PBX3: variants seen among roughly 807,000 people sequenced by gnomAD.
PBX3 encodes the protein PBX homeobox 3.
A neutral mutation model predicts 48.5 loss-of-function variants in PBX3; 14 were observed. That is an observed-to-expected ratio of 0.29 (90% CI 0.19 to 0.45). The LOEUF (loss-of-function observed/expected upper bound fraction) is 0.45. PBX3 is among the 20% of genes least tolerant of loss of function. The probability of loss-of-function intolerance (pLI) is 1.00; values close to 1 mark genes in which losing one functional copy is unlikely to be tolerated. For synonymous variants in PBX3, 210 were observed against 200.3 expected, an observed-to-expected ratio of 1.05 and a Z score of -0.41; for missense variants, 386 against 546.7, an observed-to-expected ratio of 0.71 and a Z score of 2.93.
chr9:125,859,004 G>A (rs116731437), intron 2 of PBX3, among the ~76,000 whole-genome samples: 21 of 152,300 alleles, frequency 1.4e-4, no homozygotes, highest in African/African-American at 5.1e-4. Flanking sequence ...TAAGTTAAAT[G>A]AGGTTGCGTG....
At chr9:125,889,776 G>A (rs971659220) in intron 2 of PBX3, among the ~76,000 whole-genome samples, 4 of 149,910 alleles carry the variant, frequency 2.7e-5, no homozygotes, top group African/African-American at 9.7e-5. Context: ...GGGCCGGGCC[G>A]CGGGGCCTCC....
chr9:125,814,164 A>G, intron 2 of PBX3, among the ~76,000 whole-genome samples: 1 of 113,688 alleles, frequency 8.8e-6, no homozygotes, highest in Non-Finnish European at 1.6e-5. Context: ...CTCCATCTCA[A>G]AAAAAAAAAA....
intron 2 of PBX3, among the ~76,000 whole-genome samples, chr9:125,749,932 A>G (rs1836324593): frequency 6.6e-6 from 1 of 152,184 alleles, no homozygotes; most frequent in Non-Finnish European, 1.5e-5. Flanking sequence ...TTCACATATT[A>G]TGGCTGGTTT....
chr9:125,844,287 C>T (rs1407960836), intron 2 of PBX3, among the ~76,000 whole-genome samples: 1 of 146,170 alleles, frequency 6.8e-6, no homozygotes, highest in Admixed American at 6.8e-5. Flanking sequence ...AACAGAATGC[C>T]ACCTTTTTTT....
chr9:125,805,192 A>G (rs951571008), intron 2 of PBX3, among the ~76,000 whole-genome samples: 3 of 151,158 alleles, frequency 2.0e-5, no homozygotes, highest in Non-Finnish European at 2.9e-5. Context: ...CTGGGAGAAG[A>G]GCATTCCAGG....
intron 2 of PBX3, among the ~76,000 whole-genome samples, chr9:125,835,734 G>C (rs1839114221): frequency 6.6e-6 from 1 of 152,174 alleles, no homozygotes; most frequent in South Asian, 2.1e-4. Flanking sequence ...AGGATGTAGA[G>C]ACAGGGGAAC....
chr9:125,748,014 C>T (rs999060916), intron 1 of PBX3, among the ~76,000 whole-genome samples: 1 of 151,544 alleles, frequency 6.6e-6, no homozygotes. Flanking sequence ...GCGGGGAGTC[C>T]CGGCGCCGGC....
chr9:125,965,331 C>T (rs571586933), intron 8 of PBX3, among the ~76,000 whole-genome samples: 1 of 152,206 alleles, frequency 6.6e-6, no homozygotes, highest in African/African-American at 2.4e-5. Context: ...TCTGGAAGAT[C>T]CTATTTGGAG....
At chr9:125,787,308 A>G (rs1017345353) in intron 2 of PBX3, among the ~76,000 whole-genome samples, 3 of 152,212 alleles carry the variant, frequency 2.0e-5, no homozygotes, top group Admixed American at 1.3e-4. Flanking sequence ...AGTGTACTGC[A>G]TGGATTAACT....
chr9:125,827,110 A>G (rs1421752548), intron 2 of PBX3, among the ~76,000 whole-genome samples: 1 of 152,174 alleles, frequency 6.6e-6, no homozygotes, highest in African/African-American at 2.4e-5. Context: ...TGGCTCCCAC[A>G]TATAAATGAG....
chr9:125,953,878 T>TG (rs10707176), intron 5 of PBX3, among the ~76,000 whole-genome samples: 1 of 151,962 alleles, frequency 6.6e-6, no homozygotes, highest in Non-Finnish European at 1.5e-5. Flanking sequence ...TCTGCAAACT[T>TG]GGGGGGACGC....
intron 2 of PBX3, among the ~76,000 whole-genome samples, chr9:125,778,095 G>A (rs866511873): frequency 3.3e-4 from 50 of 151,636 alleles, no homozygotes; most frequent in African/African-American, 1.2e-3. Context: ...CAAGTAGCTG[G>A]GACTACAGGT....
chr9:125,918,369 GT>G (rs753895526), intron 3 of PBX3, among the ~76,000 whole-genome samples: 1 of 151,000 alleles, frequency 6.6e-6, no homozygotes, highest in Non-Finnish European at 1.5e-5. Flanking sequence ...AATCACCAGG[GT>G]TTTTTTTTAT....
At chr9:125,873,753 T>G (rs891565431) in intron 2 of PBX3, among the ~76,000 whole-genome samples, 23 of 152,208 alleles carry the variant, frequency 1.5e-4, no homozygotes, top group African/African-American at 5.3e-4. Context: ...GTCTTCAAGT[T>G]AATTAGCTAA....
chr9:125,865,975 C>T (rs371370992), intron 2 of PBX3, among the ~76,000 whole-genome samples: 5 of 150,366 alleles, frequency 3.3e-5, no homozygotes, highest in Non-Finnish European at 7.4e-5. Context: ...TTTTTCCCCC[C>T]ACAAAAGAAA....
chr9:125,817,192 C>T (rs1838491370), intron 2 of PBX3, among the ~76,000 whole-genome samples: 1 of 152,202 alleles, frequency 6.6e-6, no homozygotes. Flanking sequence ...TTGGTTTTAT[C>T]AGTGTGACTA....
Position 125,915,844 on chromosome 9 carries a change from A to G in PBX3, c.433A>G (p.Asn145Asp), listed in dbSNP as rs770967440. Residue 145 changes from asparagine (N) to aspartate (D), a missense_variant, in exon 3 of 9, where the codon AAC (asparagine) becomes GAC (aspartate). Around this residue, in one of 4 missense-constraint regions of PBX3, gnomAD observed 69 missense variants for 99.1 expected, o/e 0.70. Transcript: ENST00000373489. ...AAAASGGSSD[N>D]SIEHSDYRAK... is the part of the protein sequence containing the mutation. Reference sequence around the variant, plus strand: ...GGCAGCCTCTGGAGGTTCTTCAGATAACTCTATTGAACACTCAGATTACAG... The same window carrying G: ...GGCAGCCTCTGGAGGTTCTTCAGATGACTCTATTGAACACTCAGATTACAG... 1.2e-6 allele frequency: 2 copies of G among 1,614,116 alleles called. No homozygotes were observed. Among genetic ancestry groups the G allele is most frequent in the Non-Finnish European group, 1.7e-6 (2 of 1,180,016 alleles).
chr9:125,959,821 G>T (rs1842388759), intron 5 of PBX3, among the ~76,000 whole-genome samples: 2 of 152,164 alleles, frequency 1.3e-5, no homozygotes, highest in South Asian at 4.1e-4. Flanking sequence ...TAGTGTGTGG[G>T]TATACTTTCT....
chr9:125,787,241 G>C (rs2132052443), intron 2 of PBX3, among the ~76,000 whole-genome samples: 2 of 152,058 alleles, frequency 1.3e-5, no homozygotes, highest in South Asian at 4.1e-4. Context: ...GGGTCTCGCT[G>C]TGTTGCCTAG....
Sources: allele counts gnomAD v4.1 joint callset (sites outside exome capture counted in the v4.1 genomes callset), GRCh38; gene constraint gnomAD v4.1.1; regional missense constraint gnomAD v4.1.1; transcripts MANE v1.5; gene names NCBI Gene and HGNC (gene_info 2026-07-23, HGNC 2026-07-21).